Variants in DNM3 observed in about 807,000 individuals in gnomAD.
DNM3 encodes the protein dynamin-3.
In DNM3, 47 loss-of-function variants were observed where a neutral mutation model predicts 101.6. The ratio of observed to expected loss-of-function variants is 0.46; its 90% CI spans 0.37 to 0.59. The LOEUF is 0.59. Among genes scored for constraint, DNM3 ranks in the 20% least tolerant of loss-of-function variants. DNM3 has a pLI of 0.00. For missense variants in DNM3, 849 were observed against 1,085.7 expected (o/e 0.78, Z 3.06); for synonymous variants, 385 against 387.9 (o/e 0.99, Z 0.09).
At chr1:172,289,100 A>G (rs1026197798) in intron 15 of DNM3, among the ~76,000 whole-genome samples, 2 of 152,230 alleles carry the variant, frequency 1.3e-5, no homozygotes, top group Admixed American at 6.5e-5. Flanking sequence ...TCAAGGGGGA[A>G]AAAAAGATTC....
chr1:172,131,814 A>C (rs1014424578), intron 14 of DNM3: 7 of 401,264 alleles, frequency 1.7e-5, no homozygotes, highest in African/African-American at 1.5e-4. Context: ...TGAGAATTTG[A>C]TATCTATGTA....
At chr1:172,247,667 A>ATTTCTTTC (rs1449882408) in intron 14 of DNM3, among the ~76,000 whole-genome samples, 3 of 149,866 alleles carry the variant, frequency 2.0e-5, no homozygotes, top group Non-Finnish European at 4.4e-5. Context: ...TTATTTATTT[A>ATTTCTTTC]TTTATTTATT....
chr1:171,896,165 A>G lies in DNM3; in HGVS notation c.162-25583A>G, dbSNP rs940092606. 4.6e-5 allele frequency among the ~76,000 whole-genome samples: 7 copies of G among 152,120 alleles called. No homozygotes were observed. In the South Asian group the frequency reaches 6.2e-4, roughly 14 times the overall value. On this transcript the variant is annotated intron_variant, in intron 1 of 20. Coordinates refer to ENST00000627582, the MANE Select transcript of DNM3 (RefSeq NM_015569.5). The stretch of plus-strand genomic sequence containing the variant: ...ATGAACTTTAAAGTAGTTTTTTCCA[A>G]TTCTGTGAAGGAAGTCATTGGTAGC...
chr1:172,220,111 C>A (rs2060853639), intron 14 of DNM3, among the ~76,000 whole-genome samples: 1 of 152,048 alleles, frequency 6.6e-6, no homozygotes, highest in African/African-American at 2.4e-5. Flanking sequence ...ATTAATCCAG[C>A]CTAAATATTT....
At chr1:172,397,108 C>T (rs2070072371) in intron 20 of DNM3, 2 of 152,596 alleles carry the variant, frequency 1.3e-5, no homozygotes, top group Non-Finnish European at 1.5e-5. Flanking sequence ...ACTGCTCTCG[C>T]TATAATACCA....
chr1:171,974,345 C>T (rs2044224887), intron 2 of DNM3, among the ~76,000 whole-genome samples: 1 of 152,048 alleles, frequency 6.6e-6, no homozygotes, highest in South Asian at 2.1e-4. Flanking sequence ...GTTTTTTTCT[C>T]ATATATTTTT....
At chr1:172,189,004 A>C (rs549946147) in intron 14 of DNM3, among the ~76,000 whole-genome samples, 255 of 152,160 alleles carry the variant, frequency 1.7e-3, no homozygotes, top group African/African-American at 5.9e-3. Flanking sequence ...TTTTGTGTCT[A>C]AGTCTGTGAT....
intron 13 of DNM3, among the ~76,000 whole-genome samples, chr1:172,109,414 C>T (rs147686369): frequency 5.3e-5 from 8 of 152,146 alleles, no homozygotes; most frequent in Non-Finnish European, 7.4e-5. Flanking sequence ...AATGCCTGGT[C>T]GCAGGATCCA....
At chr1:172,390,436 T>A (rs7539464) in intron 20 of DNM3, among the ~76,000 whole-genome samples, 72,088 of 152,058 alleles carry the variant, frequency 0.47, 20,231 homozygotes, top group East Asian at 0.87. Flanking sequence ...CCCCAGGGTT[T>A]TTCAGCCTCA....
chr1:172,092,959 A>G (rs750042802), intron 13 of DNM3, 84 bp downstream of exon 13: 65 of 1,307,270 alleles, frequency 5.0e-5, no homozygotes, highest in Non-Finnish European at 6.2e-5. Flanking sequence ...TTTTAATGCA[A>G]ATTAATCACG....
At chr1:172,032,627 T>A in intron 5 of DNM3, 127 bp downstream of exon 5, 1 of 519,016 alleles carries the variant, frequency 1.9e-6, no homozygotes, top group Non-Finnish European at 3.3e-6. Context: ...TTGTAAGGAA[T>A]GGATTTATTA....
chr1:172,035,263 G>C (rs368743135), intron 6 of DNM3, among the ~76,000 whole-genome samples: 61 of 152,248 alleles, frequency 4.0e-4, no homozygotes, highest in South Asian at 2.7e-3. Context: ...TGTTGAGCTT[G>C]AGATATCATT....
intron 15 of DNM3, among the ~76,000 whole-genome samples, chr1:172,263,762 A>G (rs994044849): frequency 1.3e-5 from 2 of 152,168 alleles, no homozygotes; most frequent in African/African-American, 2.4e-5. Flanking sequence ...GGGAGCTACA[A>G]TTCAAGATGA....
intron 14 of DNM3, among the ~76,000 whole-genome samples, chr1:172,235,225 A>G (rs2061492452): frequency 6.6e-6 from 1 of 152,248 alleles, no homozygotes; most frequent in Non-Finnish European, 1.5e-5. Flanking sequence ...ACATTTATGC[A>G]GCCGAAAGAC....
At chr1:172,340,388 C>T (rs1189232722) in intron 17 of DNM3, among the ~76,000 whole-genome samples, 1 of 152,200 alleles carries the variant, frequency 6.6e-6, no homozygotes, top group Non-Finnish European at 1.5e-5. Context: ...AGGAGAAGCA[C>T]TACTTGGTCC....
intron 14 of DNM3, among the ~76,000 whole-genome samples, chr1:172,205,492 A>G (rs1272741481): frequency 1.3e-5 from 2 of 152,166 alleles, no homozygotes; most frequent in African/African-American, 4.8e-5. Flanking sequence ...AATTTTAAGA[A>G]ACATGTATTA....
chr1:172,234,120 A>T (rs913380627), intron 14 of DNM3, among the ~76,000 whole-genome samples: 9 of 152,084 alleles, frequency 5.9e-5, no homozygotes, highest in Non-Finnish European at 8.8e-5. Flanking sequence ...TGCAGATGAC[A>T]TGATTGTATA....
chr1:172,323,378 C>A, intron 17 of DNM3, 38 bp downstream of exon 17: 1 of 1,599,156 alleles, frequency 6.3e-7, no homozygotes, highest in Non-Finnish European at 8.5e-7. Context: ...TCTGTCCCCC[C>A]AGCCCCTGCT....
At chr1:172,162,360 A>C (rs777785475) in intron 14 of DNM3, among the ~76,000 whole-genome samples, 4 of 152,046 alleles carry the variant, frequency 2.6e-5, no homozygotes, top group Non-Finnish European at 4.4e-5. Context: ...TTTGGGTCAA[A>C]TCATACACAT....
Sources: allele counts gnomAD v4.1 joint callset (sites outside exome capture counted in the v4.1 genomes callset), GRCh38; gene constraint gnomAD v4.1.1; transcripts MANE v1.5; gene names NCBI Gene and HGNC (gene_info 2026-07-23, HGNC 2026-07-21).